Variants in SLC2A5 observed in about 807,000 individuals in gnomAD.
SLC2A5 encodes solute carrier family 2 member 5, also known as solute carrier family 2, facilitated glucose transporter member 5.
In SLC2A5, 56 loss-of-function variants were observed where a neutral mutation model predicts 50.3. The observed-to-expected ratio is 1.11, with a 90% CI of 0.90 to 1.39. The LOEUF is 1.39. Ranked by LOEUF, SLC2A5 falls within the 40% of genes most tolerant of loss-of-function variation. SLC2A5 has a pLI of 0.00. For missense variants in SLC2A5, 566 were observed against 650.1 expected, an observed-to-expected ratio of 0.87 and a Z score of 1.41; for synonymous variants, 269 against 281.9, an observed-to-expected ratio of 0.95 and a Z score of 0.46.
intron 2 of SLC2A5, among the ~76,000 whole-genome samples, chr1:9,082,434 C>T (rs1263876121): frequency 1.3e-5 from 2 of 152,080 alleles, no homozygotes; most frequent in Non-Finnish European, 2.9e-5. Flanking sequence ...AAGAAATGAG[C>T]CAGGCACAGG....
chr1:9,092,625 T>C (rs1039969868), upstream of SLC2A5, among the ~76,000 whole-genome samples: 3 of 152,230 alleles, frequency 2.0e-5, no homozygotes, highest in Non-Finnish European at 4.4e-5. Flanking sequence ...TTCTGGTTGA[T>C]ACCTTTTCGG....
At chr1:9,059,562 A>AGTCTTGC (rs58799445) in intron 1 of SLC2A5, among the ~76,000 whole-genome samples, 3 of 94,694 alleles carry the variant, frequency 3.2e-5, no homozygotes, top group Admixed American at 2.8e-4. Flanking sequence ...TTTCTGAGAC[A>AGTCTTGC]TTTCTTGCCC....
At chr1:9,089,323 A>T (rs547700867), upstream of SLC2A5, among the ~76,000 whole-genome samples, 2 of 152,324 alleles carry the variant, frequency 1.3e-5, no homozygotes, top group African/African-American at 2.4e-5. Context: ...TTTTCTTATC[A>T]CACCTCATTG....
intron 1 of SLC2A5, among the ~76,000 whole-genome samples, chr1:9,063,916 C>T (rs1051423843): frequency 3.4e-5 from 5 of 146,752 alleles, no homozygotes; most frequent in East Asian, 2.0e-4. Flanking sequence ...AGGATGGTCT[C>T]GATCTCCTGA....
chr1:9,042,140 G>A (rs1466125203), intron 4 of SLC2A5, among the ~76,000 whole-genome samples: 1 of 152,224 alleles, frequency 6.6e-6, no homozygotes, highest in Non-Finnish European at 1.5e-5. Flanking sequence ...CTCATGCACA[G>A]GGGCCCTTGC....
intron 1 of SLC2A5, among the ~76,000 whole-genome samples, chr1:9,061,016 G>A (rs543029232): frequency 1.3e-5 from 2 of 151,932 alleles, no homozygotes; most frequent in African/African-American, 4.8e-5. Context: ...GGGCACGACG[G>A]CTCATGCCTA....
At chr1:9,083,442 G>A (rs548505529) in intron 2 of SLC2A5, among the ~76,000 whole-genome samples, 1 of 152,296 alleles carries the variant, frequency 6.6e-6, no homozygotes, top group South Asian at 2.1e-4. Context: ...AACAGGATGT[G>A]GGCCAAGCTG....
chr1:9,070,072 G>GTTTTTTTTT (rs56828280), upstream of SLC2A5, among the ~76,000 whole-genome samples: 20 of 62,514 alleles, frequency 3.2e-4, 2 homozygotes, highest in African/African-American at 1.3e-3. Flanking sequence ...CTCATTTTCT[G>GTTTTTTTTT]TTTTTTTTTT....
chr1:9,079,750 G>A lies in SLC2A5; in HGVS notation c.-59+5264C>T, dbSNP rs537170181. ...GATCTGCCCACCTTGGCCTCCCAAA[G>A]TGCTGGGATTACAGGCGTGAGCCAC... On this transcript the variant is annotated intron_variant, in intron 2 of 5. Coordinates refer to the SLC2A5 transcript ENST00000464985. Among the ~76,000 whole-genome samples, 120 of 152,294 alleles carry A rather than the reference G, an allele frequency of 7.9e-4. 1 individual carries two copies. Among genetic ancestry groups the A allele is most frequent in the African/African-American group, 2.7e-3 (113 of 41,556 alleles).
rs1384382864 is a variant in SLC2A5 at position 9,039,920 on chromosome 1, C to T, written c.765G>A (p.Glu255=). 1 of 1,613,054 alleles carries T rather than the reference C, an allele frequency of 6.2e-7. No individual in the cohort carries two copies. The highest frequency in any genetic ancestry group is 1.7e-5 in the Admixed American group (1 of 60,014). ...REVAEIRQED[E]AEKAAGFISV... ...AGATGAAGCCCGCGGCCTTCTCTGC[C>T]TCATCCTCCTGCCGGATCTCGGCCA... The change falls in exon 7 of 12, where the codon GAG becomes GAA. Residue 255 remains glutamate, a synonymous_variant. Coordinates refer to ENST00000377424, the MANE Select transcript of SLC2A5 (RefSeq NM_003039.3).
At position 9,039,621 on chromosome 1, in the gene SLC2A5, C is replaced by A; in HGVS notation, c.927G>T (p.Val309=). ...TCACGTACTGCACGTGCTCCTCCGG[C>A]ACGCCGGCGCTCAGGTAGATCTGGT... ...YADQIYLSAG[V]PEEHVQYVTA... is the part of the protein sequence containing the mutation. Residue 309 remains valine, a synonymous_variant, in exon 8 of 12, where the codon GTG becomes GTT. Transcript: ENST00000377424. 1 of 1,567,160 alleles carries A rather than the reference C, an allele frequency of 6.4e-7. No individual in the cohort carries two copies. The highest frequency in any genetic ancestry group is 1.9e-5 in the Admixed American group (1 of 53,792).
intron 2 of SLC2A5, among the ~76,000 whole-genome samples, chr1:9,076,554 A>G (rs1642285794): frequency 6.6e-6 from 1 of 152,130 alleles, no homozygotes; most frequent in Non-Finnish European, 1.5e-5. Context: ...TGTGCCTTTG[A>G]TGCACAAAAC....
In SLC2A5 at chr1:9,057,637, A is replaced by G. The variant is rs969623911; in HGVS notation, c.133-29T>C. ...GGAGACAAAGCAAAACAGAACACCA[A>G]AATAATTTGATCCGGTTTTGCAAGA... On this transcript the variant is annotated intron_variant, in intron 2 of 11. Coordinates refer to ENST00000377424, the MANE Select transcript of SLC2A5 (RefSeq NM_003039.3). The G allele has an allele frequency of 3.1e-6, 5 of 1,598,618 alleles. No homozygotes were observed. The African/African-American group carries it at 4.0e-5, about 13-fold the overall frequency.
intron 2 of SLC2A5, among the ~76,000 whole-genome samples, chr1:9,082,276 CAT>C (rs1389674112): frequency 6.6e-6 from 1 of 152,134 alleles, no homozygotes; most frequent in African/African-American, 2.4e-5. Context: ...GAATGAAAAA[CAT>C]GTACTCAAGC....
At chr1:9,052,862 G>A (rs1422324282) in intron 3 of SLC2A5, among the ~76,000 whole-genome samples, 1 of 151,142 alleles carries the variant, frequency 6.6e-6, no homozygotes, top group Non-Finnish European at 1.5e-5. Context: ...TGTAGTCTCA[G>A]CTACTAGAGA....
At chr1:9,060,034 A>AC (rs1483737055) in intron 1 of SLC2A5, among the ~76,000 whole-genome samples, 1 of 148,564 alleles carries the variant, frequency 6.7e-6, no homozygotes, top group African/African-American at 2.5e-5. Context: ...CACTACACAC[A>AC]TACAGTACAC....
At chr1:9,067,728 G>A (rs1043083969) in intron 1 of SLC2A5, among the ~76,000 whole-genome samples, 9 of 152,206 alleles carry the variant, frequency 5.9e-5, no homozygotes, top group Non-Finnish European at 1.2e-4. Context: ...GGGGACATCG[G>A]TTGTCACTCC....
At chr1:9,075,564 C>A (rs1336596691) in intron 2 of SLC2A5, among the ~76,000 whole-genome samples, 2 of 152,152 alleles carry the variant, frequency 1.3e-5, no homozygotes, top group Non-Finnish European at 2.9e-5. Flanking sequence ...GTGACCCTTT[C>A]AATAATCTTA....
At chr1:9,039,484 G>T in intron 8 of SLC2A5, 68 bp downstream of exon 8, 2 of 1,193,330 alleles carry the variant, frequency 1.7e-6, no homozygotes, top group Non-Finnish European at 1.2e-6. Context: ...TTTTGGCGGC[G>T]CCGAGGCTGG....
Sources: allele counts gnomAD v4.1 joint callset (sites outside exome capture counted in the v4.1 genomes callset), GRCh38; gene constraint gnomAD v4.1.1; transcripts MANE v1.5; gene names NCBI Gene and HGNC (gene_info 2026-07-23, HGNC 2026-07-21).